The following L3MBTL4 variants were observed in gnomAD, a reference collection of about 807,000 sequenced individuals.
The protein encoded by L3MBTL4 is L3MBTL histone methyl-lysine binding protein 4, also known as lethal(3)malignant brain tumor-like protein 4.
A neutral mutation model predicts 84.5 loss-of-function variants in L3MBTL4; 70 were observed. The ratio of observed to expected loss-of-function variants is 0.83; its 90% confidence interval spans 0.68 to 1.01. The LOEUF (loss-of-function observed/expected upper bound fraction) is 1.01. L3MBTL4 is among the 50% of genes least tolerant of loss of function. The pLI, the probability that L3MBTL4 is intolerant of heterozygous loss-of-function variation, is 0.00. For synonymous variants in L3MBTL4, 274 were observed against 259.8 expected (o/e 1.05, Z -0.52); for missense variants, 715 against 754.8 (o/e 0.95, Z 0.62).
chr18:6,365,205 C>T (rs1353423638), intron 1 of L3MBTL4, among the ~76,000 whole-genome samples: 4 of 151,996 alleles, frequency 2.6e-5, no homozygotes, highest in Non-Finnish European at 5.9e-5. Flanking sequence ...ACATGCTTCC[C>T]TCCACACAAA....
intron 1 of L3MBTL4, among the ~76,000 whole-genome samples, chr18:6,316,718 T>G (rs569188918): frequency 7.2e-5 from 11 of 152,298 alleles, no homozygotes; most frequent in South Asian, 4.1e-4. Context: ...CTGATAGGAA[T>G]AGCTGGAACA....
Position 6,305,145 on chromosome 18 carries a change from A to G in L3MBTL4, c.73-3188T>C, listed in dbSNP as rs528271862. On this transcript the variant is annotated intron_variant, in intron 3 of 18. Transcript: ENST00000317931. Reference sequence around the variant, plus strand: ...TTATATTGTGTATATCAGAATAAACATATATATCTATAACATACTGACCTA... The same window carrying G: ...TTATATTGTGTATATCAGAATAAACGTATATATCTATAACATACTGACCTA... 2.2e-4 allele frequency among the ~76,000 whole-genome samples: 33 copies of G among 152,360 alleles called. 2 individuals are homozygous for G. The South Asian group carries it at 6.6e-3, about 31-fold the overall frequency.
intron 1 of L3MBTL4, among the ~76,000 whole-genome samples, chr18:6,353,557 A>G (rs1174541163): frequency 6.6e-6 from 1 of 151,990 alleles, no homozygotes; most frequent in Non-Finnish European, 1.5e-5. Context: ...AAGACTCCAC[A>G]AAAAAATCTA....
At chr18:5,979,007 C>A (rs1388244583) in intron 16 of L3MBTL4, among the ~76,000 whole-genome samples, 1 of 152,162 alleles carries the variant, frequency 6.6e-6, no homozygotes, top group Non-Finnish European at 1.5e-5. Context: ...TTGTAACCTC[C>A]ACCCCCCGGC....
chr18:6,354,206 G>A (rs565211230), intron 1 of L3MBTL4, among the ~76,000 whole-genome samples: 1 of 152,250 alleles, frequency 6.6e-6, no homozygotes, highest in South Asian at 2.1e-4. Flanking sequence ...TCAATAAATG[G>A]TGTTGGGAAA....
chr18:6,242,463 G>A (rs1175657833), intron 7 of L3MBTL4, among the ~76,000 whole-genome samples: 1 of 152,138 alleles, frequency 6.6e-6, no homozygotes, highest in Non-Finnish European at 1.5e-5. Flanking sequence ...CTGGCCCTCA[G>A]TGCCTCACGT....
At chr18:6,390,822 G>C (rs1051897640) in intron 1 of L3MBTL4, among the ~76,000 whole-genome samples, 2 of 152,066 alleles carry the variant, frequency 1.3e-5, no homozygotes, top group Non-Finnish European at 2.9e-5. Flanking sequence ...CAGTGAGACT[G>C]AATCAGTAAT....
chr18:6,049,141 G>A (rs975320715), intron 16 of L3MBTL4, among the ~76,000 whole-genome samples: 9 of 152,002 alleles, frequency 5.9e-5, no homozygotes, highest in Non-Finnish European at 1.2e-4. Context: ...AAAAAAAAAG[G>A]CAAAATAGAA....
intron 1 of L3MBTL4, among the ~76,000 whole-genome samples, chr18:6,390,719 A>G (rs341214): frequency 0.51 from 76,932 of 151,942 alleles, 19,548 homozygotes; most frequent in East Asian, 0.59. Flanking sequence ...CACAAACTAG[A>G]AAATCTAGAG....
chr18:6,160,502 T>C (rs1266365508), intron 13 of L3MBTL4, among the ~76,000 whole-genome samples: 2 of 151,986 alleles, frequency 1.3e-5, no homozygotes, highest in African/African-American at 4.8e-5. Context: ...GAGGCCAAGG[T>C]GGGCGGATCA....
At chr18:6,146,033 T>C (rs942179718) in intron 13 of L3MBTL4, among the ~76,000 whole-genome samples, 2 of 152,218 alleles carry the variant, frequency 1.3e-5, no homozygotes, top group Admixed American at 6.5e-5. Context: ...AGCAGAATCC[T>C]ACTTGAAGTG....
chr18:6,218,242 G>T (rs544319021), intron 10 of L3MBTL4, among the ~76,000 whole-genome samples: 1 of 152,118 alleles, frequency 6.6e-6, no homozygotes, highest in Non-Finnish European at 1.5e-5. Flanking sequence ...TCCGCCTTCT[G>T]AGTAGCTGGG....
intron 16 of L3MBTL4, among the ~76,000 whole-genome samples, chr18:6,032,541 T>C (rs944201844): frequency 6.6e-6 from 1 of 152,078 alleles, no homozygotes; most frequent in African/African-American, 2.4e-5. Context: ...ATCCTGTTTT[T>C]TTTTTATTGT....
chr18:6,297,816 G>A (rs2146785853), intron 4 of L3MBTL4, among the ~76,000 whole-genome samples: 1 of 152,136 alleles, frequency 6.6e-6, no homozygotes, highest in Middle Eastern at 3.4e-3. Flanking sequence ...CAGTCCCCTG[G>A]GGGTCTCTTC....
At position 6,122,157 on chromosome 18, in the gene L3MBTL4, A is replaced by G. The variant is rs1328034138; in HGVS notation, c.1199+16037T>C. 2.0e-5 allele frequency among the ~76,000 whole-genome samples: 3 copies of G among 152,204 alleles called. No homozygotes were observed. The East Asian group carries it at 5.8e-4, about 29-fold the overall frequency. On this transcript the variant is annotated intron_variant, in intron 14 of 18. Coordinates refer to ENST00000317931, the MANE Select transcript of L3MBTL4 (RefSeq NM_001330559.2). The stretch of plus-strand genomic sequence containing the variant: ...GGCTGCTCTGTGTATTAAATAATAT[A>G]TGTGAAAACATTCTGTTAGTGGTTA...
intron 15 of L3MBTL4, among the ~76,000 whole-genome samples, chr18:6,083,676 C>T (rs1303615668): frequency 1.3e-5 from 2 of 152,192 alleles, no homozygotes; most frequent in Non-Finnish European, 2.9e-5. Flanking sequence ...AAGCCTGGCC[C>T]ATAGCTTTTA....
chr18:6,169,452 G>A (rs2043853350), intron 13 of L3MBTL4, among the ~76,000 whole-genome samples: 1 of 152,100 alleles, frequency 6.6e-6, no homozygotes, highest in African/African-American at 2.4e-5. Flanking sequence ...ATGATAGACT[G>A]CATTAAGAAA....
In L3MBTL4 at chr18:6,061,866, T is replaced by C. The variant is rs549105552; in HGVS notation, c.1444+19015A>G. On this transcript the variant is annotated intron_variant, in intron 16 of 18. Coordinates refer to ENST00000317931, the MANE Select transcript of L3MBTL4 (RefSeq NM_001330559.2). ...ACCTAAGTCCTCTTTCTACTAGCGCTATACCATGCAAGCACCTTATAGCAG... is the reference window on the plus strand; with the variant it reads ...ACCTAAGTCCTCTTTCTACTAGCGCCATACCATGCAAGCACCTTATAGCAG... Among the ~76,000 whole-genome samples the C allele has an allele frequency of 3.3e-5, 5 of 152,068 alleles. No homozygotes were observed. The South Asian group carries it at 1.0e-3, about 32-fold the overall frequency.
chr18:6,223,084 C>T (rs1427783592), intron 10 of L3MBTL4, among the ~76,000 whole-genome samples: 1 of 151,866 alleles, frequency 6.6e-6, no homozygotes, highest in East Asian at 1.9e-4. Context: ...TCTAGAATAT[C>T]TACTAAGTAG....
Sources: allele counts gnomAD v4.1 joint callset (sites outside exome capture counted in the v4.1 genomes callset), GRCh38; gene constraint gnomAD v4.1.1; transcripts MANE v1.5; gene names NCBI Gene and HGNC (gene_info 2026-07-23, HGNC 2026-07-21).